Variants in ANAPC10 observed in about 807,000 individuals in gnomAD.
The protein encoded by ANAPC10 is anaphase-promoting complex subunit 10.
Under a neutral mutation model 22.0 loss-of-function variants are expected in ANAPC10, and 12 were observed. That is an observed-to-expected ratio of 0.55 (90% CI 0.35 to 0.88). The LOEUF (loss-of-function observed/expected upper bound fraction) is 0.88, where lower values mean the gene tolerates loss of function less well. Among genes scored for constraint, ANAPC10 ranks in the 40% least tolerant of loss-of-function variants. ANAPC10 has a pLI of 0.01. For missense variants in ANAPC10, 188 were observed against 220.9 expected, an observed-to-expected ratio of 0.85 and a Z score of 0.94; for synonymous variants, 65 against 69.5, an observed-to-expected ratio of 0.94 and a Z score of 0.32.
At chr4:145,044,090 C>A (rs1202210638) in intron 4 of ANAPC10, among the ~76,000 whole-genome samples, 1 of 152,034 alleles carries the variant, frequency 6.6e-6, no homozygotes, top group African/African-American at 2.4e-5. Context: ...AGCACAAATA[C>A]AAACCTATAC....
chr4:145,046,077 T>C (rs1740257570), intron 4 of ANAPC10, among the ~76,000 whole-genome samples: 1 of 152,070 alleles, frequency 6.6e-6, no homozygotes, highest in South Asian at 2.1e-4. Context: ...TAAGCATTTC[T>C]AAAAATCCAT....
chr4:145,011,592 T>C (rs17019833), intron 4 of ANAPC10, among the ~76,000 whole-genome samples: 1,524 of 152,132 alleles, frequency 0.01, 30 homozygotes, highest in African/African-American at 0.035. Flanking sequence ...GGAGCATTTG[T>C]TGATGCTGGT....
chr4:145,064,474 T>C (rs1468921711), intron 4 of ANAPC10, 98 bp downstream of exon 4: 2 of 935,958 alleles, frequency 2.1e-6, no homozygotes, highest in South Asian at 3.6e-5. Flanking sequence ...CTCTTATATA[T>C]TAACATTTTA....
chr4:145,076,542 T>C (rs1175791315), intron 3 of ANAPC10, among the ~76,000 whole-genome samples: 1 of 152,216 alleles, frequency 6.6e-6, no homozygotes, highest in African/African-American at 2.4e-5. Context: ...ACACAGAGTG[T>C]CTTCTTACAT....
chr4:145,077,252 T>C (rs1228152682), intron 3 of ANAPC10, among the ~76,000 whole-genome samples: 1 of 151,840 alleles, frequency 6.6e-6, no homozygotes, highest in African/African-American at 2.4e-5. Context: ...TTTGAAAAAA[T>C]GAGCAAAACC....
chr4:145,028,355 T>C (rs569030063), intron 4 of ANAPC10, among the ~76,000 whole-genome samples: 10 of 152,164 alleles, frequency 6.6e-5, no homozygotes, highest in South Asian at 2.1e-4. Context: ...CCTTCGAACA[T>C]AGGACTCCCA....
rs533840151 is a variant in ANAPC10 at position 145,094,858 on chromosome 4, T to C, written c.115+1127A>G. On this transcript the variant is annotated intron_variant, in intron 2 of 4. Coordinates refer to ENST00000507656, the MANE Select transcript of ANAPC10 (RefSeq NM_001256706.2). ...ATATCCACAACATGGCAAAAGAAGA[T>C]AGTGAAAGAGCATTCATAAATTTTT... 8.0e-5 allele frequency among the ~76,000 whole-genome samples: 12 copies of C among 149,608 alleles called. No homozygotes were observed. The South Asian group carries it at 2.1e-3, about 26-fold the overall frequency.
intron 4 of ANAPC10, among the ~76,000 whole-genome samples, chr4:145,002,261 C>T (rs1732689954): frequency 6.6e-6 from 1 of 152,156 alleles, no homozygotes. Context: ...CCAAAAGAAA[C>T]TTCAGAAGTT....
Position 145,065,147 on chromosome 4 carries a change from C to T in ANAPC10, c.207-455G>A, listed in dbSNP as rs532560968. Among the ~76,000 whole-genome samples the T allele has an allele frequency of 2.6e-5, 4 of 152,064 alleles. No individual in the cohort carries two copies. In the South Asian group the frequency reaches 8.3e-4, roughly 32 times the overall value. ...ACTGGGTCCAGCAAAGAGAAAACTA[C>T]CTTTCCTAAAAAATACAACAACCTA... On this transcript the variant is annotated intron_variant, in intron 3 of 4. Coordinates refer to ENST00000507656, the MANE Select transcript of ANAPC10 (RefSeq NM_001256706.2).
rs572894531 is a variant in ANAPC10 at position 145,060,706 on chromosome 4, T to C, written c.327+3866A>G. ...CACTCAGTTAAATCAGTACTATAAC[T>C]AATGAAATGATGACTCTGAAAACCT... On this transcript the variant is annotated intron_variant, in intron 4 of 4. Coordinates refer to ENST00000507656, the MANE Select transcript of ANAPC10 (RefSeq NM_001256706.2). 2.6e-5 allele frequency among the ~76,000 whole-genome samples: 4 copies of C among 152,198 alleles called. No homozygotes were observed. In the East Asian group the frequency reaches 7.7e-4, roughly 29 times the overall value.
rs551082190 is a variant in ANAPC10 at position 145,008,302 on chromosome 4, T to G, written c.328-12699A>C. On this transcript the variant is annotated intron_variant, in intron 4 of 4. Transcript: ENST00000507656. ...TTCCTTCTGAAACTATTCCAATCAA[T>G]AGAAAAAGAGGGAATCCTCCCTACC... Among the ~76,000 whole-genome samples, 12 of 152,034 alleles carry G rather than the reference T, an allele frequency of 7.9e-5. No homozygotes were observed. In the East Asian group the frequency reaches 1.6e-3, roughly 20 times the overall value.
intron 4 of ANAPC10, among the ~76,000 whole-genome samples, chr4:145,024,589 A>T (rs983458360): frequency 2.6e-5 from 4 of 152,204 alleles, no homozygotes; most frequent in Non-Finnish European, 5.9e-5. Context: ...TTTGAAATAA[A>T]TCTTTTCCTC....
intron 4 of ANAPC10, among the ~76,000 whole-genome samples, chr4:145,032,657 T>C (rs924243844): frequency 1.3e-5 from 2 of 152,154 alleles, no homozygotes; most frequent in African/African-American, 4.8e-5. Flanking sequence ...AGGTTACACA[T>C]GGGCTCAGCA....
intron 3 of ANAPC10, among the ~76,000 whole-genome samples, chr4:145,075,883 T>C (rs1423934766): frequency 6.6e-6 from 1 of 152,180 alleles, no homozygotes; most frequent in Non-Finnish European, 1.5e-5. Context: ...AGGCTTGTCA[T>C]GTACCTCTAG....
chr4:145,029,612 C>T lies in ANAPC10; in HGVS notation c.328-34009G>A, dbSNP rs556506333. ...TTGGGCCCAGTAAGTAGGGACTCTG[C>T]TTTTAATGTTGCAGCTCAAGGAGTT... On this transcript the variant is annotated intron_variant, in intron 4 of 4. Transcript: ENST00000507656. Among the ~76,000 whole-genome samples the T allele has an allele frequency of 1.4e-3, 207 of 152,228 alleles. 1 individual carries two copies. Among genetic ancestry groups the T allele is most frequent in the Middle Eastern group, 3.4e-3 (1 of 294 alleles).
chr4:144,999,756 G>T (rs1184778768), intron 4 of ANAPC10, among the ~76,000 whole-genome samples: 1 of 152,076 alleles, frequency 6.6e-6, no homozygotes, highest in Non-Finnish European at 1.5e-5. Context: ...ACAATCCTAC[G>T]CAAAAAGAAC....
At chr4:145,069,685 C>A (rs188058288) in intron 3 of ANAPC10, among the ~76,000 whole-genome samples, 52 of 152,262 alleles carry the variant, frequency 3.4e-4, no homozygotes, top group Admixed American at 1.1e-3. Flanking sequence ...AAGACTCTTT[C>A]AGAGGATCAG....
At chr4:145,085,434 T>C (rs1228096073) in intron 2 of ANAPC10, among the ~76,000 whole-genome samples, 1 of 152,148 alleles carries the variant, frequency 6.6e-6, no homozygotes, top group Non-Finnish European at 1.5e-5. Flanking sequence ...AGGTTTTTTT[T>C]TTCAGTTATT....
chr4:145,012,639 C>T (rs1734528099), intron 4 of ANAPC10, among the ~76,000 whole-genome samples: 1 of 152,082 alleles, frequency 6.6e-6, no homozygotes, highest in Non-Finnish European at 1.5e-5. Context: ...AATAGAATGA[C>T]ATTTATTAAG....
Sources: allele counts gnomAD v4.1 joint callset (sites outside exome capture counted in the v4.1 genomes callset), GRCh38; gene constraint gnomAD v4.1.1; transcripts MANE v1.5; gene names NCBI Gene and HGNC (gene_info 2026-07-23, HGNC 2026-07-21).